IGSF3: variants seen among roughly 807,000 people sequenced by gnomAD.
The protein encoded by IGSF3 is glu-Trp-Ile EWI motif-containing protein 3.
A neutral mutation model predicts 114.4 loss-of-function variants in IGSF3; 23 were observed. That is an observed-to-expected ratio of 0.20 (90% CI 0.14 to 0.28). The LOEUF is 0.28. Ranked by LOEUF, IGSF3 falls within the 10% of genes least tolerant of loss-of-function variation. The pLI is 1.00. For missense variants in IGSF3, 1,172 were observed against 1,591.5 expected (o/e 0.74, Z 4.48); for synonymous variants, 571 against 645.2 (o/e 0.88, Z 1.74).
rs902041458 is a variant in IGSF3 at position 116,614,636 on chromosome 1, C to G, written c.422-461G>C. On this transcript the variant is annotated intron_variant, in intron 3 of 10. Transcript: ENST00000369486. This position sits in a 1 kb window ranked among gnomAD's most constrained non-coding sequence, Gnocchi z 4.5. The stretch of plus-strand genomic sequence containing the variant: ...CATCCTTTCTTTCCTTCCCACATCC[C>G]CATCCTGTAACTTACTTCAGCAATG... Among the ~76,000 whole-genome samples the G allele has an allele frequency of 1.1e-4, 17 of 152,308 alleles. No individual in the cohort carries two copies. Among genetic ancestry groups the G allele is most frequent in the African/African-American group, 4.1e-4 (17 of 41,544 alleles).
At chr1:116,602,050 CATT>C (rs1235974941) in intron 6 of IGSF3, among the ~76,000 whole-genome samples, 1 of 152,216 alleles carries the variant, frequency 6.6e-6, no homozygotes, top group African/African-American at 2.4e-5. Context: ...TCATGTGTGT[CATT>C]GTTAACTTTA....
chr1:116,629,595 GC>G lies in IGSF3; in HGVS notation c.44-13139del, dbSNP rs1647465242. Among the ~76,000 whole-genome samples the G allele has an allele frequency of 6.6e-6, 1 of 152,164 alleles. No homozygotes were observed. The highest frequency in any genetic ancestry group is 1.5e-5 in the Non-Finnish European group (1 of 68,018). On this transcript the variant is annotated intron_variant, in intron 2 of 10. Transcript: ENST00000369486. This position sits in a 1 kb window ranked among gnomAD's most constrained non-coding sequence, Gnocchi z 4.3. ...AAGGAGCCTGAAGTGGGGGAGGGGG[GC>G]TGATGTGAAATAGGGAATGGGTGGC... is the stretch of plus-strand genomic sequence containing the variant.
intron 2 of IGSF3, among the ~76,000 whole-genome samples, chr1:116,653,892 C>CAGCG (rs1400605961): frequency 4.6e-5 from 7 of 152,348 alleles, no homozygotes; most frequent in African/African-American, 1.4e-4. Context: ...AAGCACTGGG[C>CAGCG]AGCGTGCTCA....
chr1:116,578,935 G>A (rs887881401), intron 10 of IGSF3, among the ~76,000 whole-genome samples: 5 of 151,962 alleles, frequency 3.3e-5, no homozygotes, highest in African/African-American at 1.2e-4. Context: ...AACCTCCAAG[G>A]CACCCTCCAA....
chr1:116,582,140 G>A lies in IGSF3; in HGVS notation c.2849-2263C>T, dbSNP rs76590882. ...ATAAATGACTCAATACAAGTTTTTC[G>A]ACAGAAATTAATTTCCACCTTCCCA... On this transcript the variant is annotated intron_variant, in intron 9 of 10. Coordinates refer to ENST00000369486, the MANE Select transcript of IGSF3 (RefSeq NM_001007237.3). This position sits in a 1 kb window ranked among gnomAD's most constrained non-coding sequence, Gnocchi z 4.7. Among the ~76,000 whole-genome samples, 2,184 of 152,148 alleles carry A rather than the reference G, an allele frequency of 0.014. 42 individuals carry two copies. The highest frequency in any genetic ancestry group is 0.05 in the African/African-American group (2,070 of 41,482).
At chr1:116,641,261 G>C (rs1216068050) in intron 2 of IGSF3, among the ~76,000 whole-genome samples, 1 of 152,218 alleles carries the variant, frequency 6.6e-6, no homozygotes, top group South Asian at 2.1e-4. Flanking sequence ...ACTTTGGAAG[G>C]CCATGGCAGA....
At position 116,661,838 on chromosome 1, in the gene IGSF3, T is replaced by C. The variant is rs1649129478; in HGVS notation, c.43+4446A>G. ...TTCTTTGCAGCTAAATATGGTCACA[T>C]GACTAGGTTCTAGCCAATGAGAATG... On this transcript the variant is annotated intron_variant, in intron 2 of 10. Coordinates refer to ENST00000369486, the MANE Select transcript of IGSF3 (RefSeq NM_001007237.3). The surrounding 1 kb of genome is among the most constrained non-coding windows in gnomAD (Gnocchi z 4.0). Among the ~76,000 whole-genome samples, 1 of 152,232 alleles carries C rather than the reference T, an allele frequency of 6.6e-6. No individual in the cohort carries two copies.
rs1661540402 is a variant in IGSF3, at chr1:116,625,358, T to C, written c.44-8901A>G. 1.3e-5 allele frequency among the ~76,000 whole-genome samples: 2 copies of C among 152,208 alleles called. No homozygotes were observed. The highest frequency in any genetic ancestry group is 4.1e-4 in the South Asian group (2 of 4,824). ...CTTCAAAAAAGCAGTGACATCTGAA[T>C]TGGGTCCCAAAGCACAAGGGAAATA... is the stretch of plus-strand genomic sequence containing the variant. On this transcript the variant is annotated intron_variant, in intron 2 of 10. Coordinates refer to ENST00000369486, the MANE Select transcript of IGSF3 (RefSeq NM_001007237.3). The surrounding 1 kb of genome is among the most constrained non-coding windows in gnomAD (Gnocchi z 4.7).
In IGSF3 at chr1:116,579,851, C is replaced by A; in HGVS notation, c.2875G>T (p.Val959Phe). 8 of 1,608,642 alleles carry A rather than the reference C, an allele frequency of 5.0e-6. No homozygotes were observed. Among genetic ancestry groups the A allele is most frequent in the Non-Finnish European group, 6.8e-6 (8 of 1,178,132 alleles). ...PDASLQVDTV[V>F]PNATVSEKAA... ...TTCTCAGAGACCGTGGCATTGGGGA[C>A]CACTGTGTCCACCTGCAGGGAAGCA... Residue 959 changes from valine to phenylalanine, a missense_variant, in exon 10 of 11, where the codon GTC becomes TTC. This residue lies in a region of IGSF3 where 423 missense variants were observed against 509.8 expected (regional missense o/e 0.83). Transcript: ENST00000369486. This position sits in a 1 kb window ranked among gnomAD's most constrained non-coding sequence, Gnocchi z 6.4.
At position 116,615,836 on chromosome 1, in the gene IGSF3, GGTTA is replaced by G. The variant is rs1412354492; in HGVS notation, c.421+240_421+243del. On this transcript the variant is annotated intron_variant, in intron 3 of 10. Transcript: ENST00000369486. The surrounding 1 kb of genome is among the most constrained non-coding windows in gnomAD (Gnocchi z 4.3). Reference sequence around the variant, plus strand: ...TCATATCCCTTTTCACCAGTTACAGGGTTAGTTAACTTATGAAATTCTTAACATC... The same window carrying G: ...TCATATCCCTTTTCACCAGTTACAGGGTTAACTTATGAAATTCTTAACATC... Among the ~76,000 whole-genome samples, 3 of 152,026 alleles carry G rather than the reference GGTTA, an allele frequency of 2.0e-5. No individual in the cohort carries two copies. The highest frequency in any genetic ancestry group is 7.3e-5 in the African/African-American group (3 of 41,352).
In IGSF3 at chr1:116,584,949, G is replaced by A. The variant is rs1477250497; in HGVS notation, c.2544C>T (p.Ser848=). 6.2e-7 allele frequency: 1 copy of A among 1,612,316 alleles called. No individual in the cohort carries two copies. The highest frequency in any genetic ancestry group is 1.7e-5 in the Admixed American group (1 of 59,982). Residue 848 remains serine, a synonymous_variant, in exon 9 of 11, where the codon TCC becomes TCT. Transcript: ENST00000369486. This position sits in a 1 kb window ranked among gnomAD's most constrained non-coding sequence, Gnocchi z 5.8. ...CVVLNRTSIT[S]QLMVEWFVWK... is the part of the protein sequence containing the mutation. ...ATACAAACCATTCCACCATGAGCTGGGAGGTTATGCTGGTGCGGTTGAGAA... is the reference window on the plus strand; with the variant it reads ...ATACAAACCATTCCACCATGAGCTGAGAGGTTATGCTGGTGCGGTTGAGAA...
At position 116,664,529 on chromosome 1, in the gene IGSF3, A is replaced by G. The variant is rs1649251287; in HGVS notation, c.43+1755T>C. ...CTTTCCCGCCTTAGCCACACACCCC[A>G]CCCCACATCCAAACCTCCCCAAGGG... On this transcript the variant is annotated intron_variant, in intron 2 of 10. Coordinates refer to ENST00000369486, the MANE Select transcript of IGSF3 (RefSeq NM_001007237.3). The surrounding 1 kb of genome is among the most constrained non-coding windows in gnomAD (Gnocchi z 4.6). 6.6e-6 allele frequency among the ~76,000 whole-genome samples: 1 copy of G among 151,414 alleles called. No homozygotes were observed. The highest frequency in any genetic ancestry group is 1.5e-5 in the Non-Finnish European group (1 of 67,848).
chr1:116,640,328 C>T (rs547798523), intron 2 of IGSF3, among the ~76,000 whole-genome samples: 1 of 152,138 alleles, frequency 6.6e-6, no homozygotes, highest in Non-Finnish European at 1.5e-5. Context: ...TTTTTATTTT[C>T]CTTTCAAGAA....
intron 2 of IGSF3, among the ~76,000 whole-genome samples, chr1:116,640,034 T>C (rs1341370261): frequency 8.9e-5 from 9 of 101,374 alleles, no homozygotes; most frequent in African/African-American, 3.7e-4. Context: ...CGTGACTCTA[T>C]CTCAAAAAAA....
At position 116,612,884 on chromosome 1, in the gene IGSF3, G is replaced by A. The variant is rs973254387; in HGVS notation, c.832+881C>T. On this transcript the variant is annotated intron_variant, in intron 4 of 10. Coordinates refer to ENST00000369486, the MANE Select transcript of IGSF3 (RefSeq NM_001007237.3). The surrounding 1 kb of genome is among the most constrained non-coding windows in gnomAD (Gnocchi z 4.1). Reference sequence around the variant, plus strand: ...AGCAACAGCTGTCAGCTCTGGCCTGGAGCCTGGTGGGCTCAGGAGACTGGG... The same window carrying A: ...AGCAACAGCTGTCAGCTCTGGCCTGAAGCCTGGTGGGCTCAGGAGACTGGG... Among the ~76,000 whole-genome samples the A allele has an allele frequency of 6.6e-6, 1 of 152,244 alleles. No individual in the cohort carries two copies. Among genetic ancestry groups the A allele is most frequent in the African/African-American group, 2.4e-5 (1 of 41,458 alleles).
chr1:116,584,322 G>A lies in IGSF3; in HGVS notation c.2848+323C>T, dbSNP rs1412781998. 6.6e-6 allele frequency among the ~76,000 whole-genome samples: 1 copy of A among 152,116 alleles called. No homozygotes were observed. The highest frequency in any genetic ancestry group is 2.4e-5 in the African/African-American group (1 of 41,398). The stretch of plus-strand genomic sequence containing the variant: ...CAAGCTGAATTTTCTCAACAACATG[G>A]TTATTGTTTCAAGATTTTTGTCATA... On this transcript the variant is annotated intron_variant, in intron 9 of 10. Transcript: ENST00000369486. The surrounding 1 kb of genome is among the most constrained non-coding windows in gnomAD (Gnocchi z 5.8).
rs1659418862 is a variant in IGSF3 at position 116,577,847 on chromosome 1, T to C, written c.3335-285A>G. Among the ~76,000 whole-genome samples the C allele has an allele frequency of 6.6e-6, 1 of 152,220 alleles. No homozygotes were observed. Among genetic ancestry groups the C allele is most frequent in the African/African-American group, 2.4e-5 (1 of 41,446 alleles). On this transcript the variant is annotated intron_variant, in intron 10 of 10. Coordinates refer to ENST00000369486, the MANE Select transcript of IGSF3 (RefSeq NM_001007237.3). The surrounding 1 kb of genome is among the most constrained non-coding windows in gnomAD (Gnocchi z 5.7). ...AAGCCACATAATGAAACATAATTTATTGATTGTGAACTCAACTGCATCTAG... is the reference window on the plus strand; with the variant it reads ...AAGCCACATAATGAAACATAATTTACTGATTGTGAACTCAACTGCATCTAG...
rs1204257129 is a variant in IGSF3 at position 116,655,048 on chromosome 1, TAA to T, written c.43+11234_43+11235del. 1.3e-5 allele frequency among the ~76,000 whole-genome samples: 2 copies of T among 152,106 alleles called. No individual in the cohort carries two copies. Among genetic ancestry groups the T allele is most frequent in the Non-Finnish European group, 1.5e-5 (1 of 68,012 alleles). On this transcript the variant is annotated intron_variant, in intron 2 of 10. Transcript: ENST00000369486. The surrounding 1 kb of genome is among the most constrained non-coding windows in gnomAD (Gnocchi z 4.3). ...CAAGAAAAAAGATGTACCTTAGGAATAAAAAAGAGTTCCCCAATGTCACAGTG... is the reference window on the plus strand; with the variant it reads ...CAAGAAAAAAGATGTACCTTAGGAATAAAAGAGTTCCCCAATGTCACAGTG...
chr1:116,608,147 T>A lies in IGSF3; in HGVS notation c.1017A>T (p.Glu339Asp). ...GTCCCCTGGCTTCCCGGTGAGCAAA[T>A]TCGCTGTTGAGGACAGGCACAGCGT... ...GPNAVPVLNS[E>D]FAHREARGQL... Residue 339 changes from glutamate (E) to aspartate (D), a missense_variant, in exon 5 of 11, where the codon GAA (glutamate) becomes GAT (aspartate). Physicochemically the swap from Glu to Asp is conservative, Grantham distance 45. Around this residue, in one of 3 missense-constraint regions of IGSF3, gnomAD observed 736 missense variants for 1,042.0 expected, o/e 0.71. Transcript: ENST00000369486. 6.2e-7 allele frequency: 1 copy of A among 1,613,788 alleles called. No individual in the cohort carries two copies. The highest frequency in any genetic ancestry group is 2.2e-5 in the East Asian group (1 of 44,876).
Sources: gnomAD v4.1 joint callset for allele counts (sites outside exome capture counted in the v4.1 genomes callset) on GRCh38, gnomAD v4.1.1 for gene constraint, gnomAD v4.1.1 regional missense constraint, Gnocchi (gnomAD v3.1) non-coding constraint, MANE v1.5 for transcripts, NCBI Gene and HGNC (gene_info 2026-07-23, HGNC 2026-07-21) for gene names.